Variants in DHRS7C observed in about 807,000 individuals in gnomAD.
The protein encoded by DHRS7C is dehydrogenase/reductase SDR family member 7C.
DHRS7C carries 28 observed loss-of-function variants against 29.6 expected under a neutral mutation model. That is an observed-to-expected ratio of 0.95 (90% CI 0.70 to 1.30). DHRS7C has a LOEUF of 1.30. Ranked by LOEUF, DHRS7C falls within the 50% of genes most tolerant of loss-of-function variation. The probability of loss-of-function intolerance (pLI) is 0.00; values close to 1 mark genes in which losing one functional copy is unlikely to be tolerated. For synonymous variants in DHRS7C, 158 were observed against 160.2 expected, an observed-to-expected ratio of 0.99 and a Z score of 0.10; for missense variants, 403 against 393.3, an observed-to-expected ratio of 1.02 and a Z score of -0.21.
At chr17:9,788,362 AC>A (rs1463408068) in intron 1 of DHRS7C, among the ~76,000 whole-genome samples, 2 of 151,280 alleles carry the variant, frequency 1.3e-5, no homozygotes, top group Non-Finnish European at 2.9e-5. Flanking sequence ...AAGAGCCCCC[AC>A]CCCCAGCTAA....
At chr17:9,776,803 C>T (rs931219553) in intron 4 of DHRS7C, among the ~76,000 whole-genome samples, 3 of 152,198 alleles carry the variant, frequency 2.0e-5, no homozygotes, top group Admixed American at 2.0e-4. Flanking sequence ...ACCCACCCTT[C>T]TCTTTCCCAA....
At chr17:9,772,620 C>T in intron 5 of DHRS7C, 147 bp downstream of exon 5, 1 of 1,091,796 alleles carries the variant, frequency 9.2e-7, no homozygotes, top group Non-Finnish European at 1.3e-6. Context: ...GGGGCCCCGC[C>T]CTGCTGTTGG....
In DHRS7C at chr17:9,780,053, G is replaced by A; in HGVS notation, c.268-18C>T. On this transcript the variant is annotated intron_variant, in intron 2 of 5. Transcript: ENST00000571134. Reference sequence around the variant, plus strand: ...GTGAATGTCTGCTGAACCAATGAGAGAGTCAGGGTATGTGTGAGATCTCCT... The same window carrying A: ...GTGAATGTCTGCTGAACCAATGAGAAAGTCAGGGTATGTGTGAGATCTCCT... 6.2e-7 allele frequency: 1 copy of A among 1,610,698 alleles called. No individual in the cohort carries two copies. The highest frequency in any genetic ancestry group is 8.5e-7 in the Non-Finnish European group (1 of 1,178,606).
intron 4 of DHRS7C, among the ~76,000 whole-genome samples, chr17:9,776,951 G>T (rs2066365475): frequency 1.3e-5 from 2 of 152,174 alleles, no homozygotes; most frequent in Admixed American, 1.3e-4. Flanking sequence ...CCCCATGGGA[G>T]ACTGTGAGCT....
intron 1 of DHRS7C, among the ~76,000 whole-genome samples, chr17:9,783,589 A>T (rs907515447): frequency 1.3e-5 from 2 of 152,226 alleles, no homozygotes; most frequent in African/African-American, 4.8e-5. Flanking sequence ...AGAAATATTG[A>T]TAATAAATAG....
In DHRS7C at chr17:9,791,316, A is replaced by T; in HGVS notation, c.-32T>A. ...CTGGGGGACAACGGAGTAAAAGGGG[A>T]TTGGCTTTGCAAAGAGACGCTGATC... On this transcript the variant is annotated 5_prime_UTR_variant, in exon 1 of 6. Coordinates refer to ENST00000571134, the MANE Select transcript of DHRS7C (RefSeq NM_001105571.3). 6.2e-7 allele frequency: 1 copy of T among 1,609,506 alleles called. No individual in the cohort carries two copies. The highest frequency in any genetic ancestry group is 8.5e-7 in the Non-Finnish European group (1 of 1,177,732).
In DHRS7C at chr17:9,781,503, G is replaced by A. The variant is rs540317772; in HGVS notation, c.246C>T (p.Ile82=). The A allele has an allele frequency of 1.9e-5, 30 of 1,614,006 alleles. No homozygotes were observed. The Admixed American group carries it at 5.0e-4, about 27-fold the overall frequency. ...TTACCTTGCTGGGGTCAGCCACGCTGATCAAGGCATCATATAGGTTCTCTA... is the reference window on the plus strand; with the variant it reads ...TTACCTTGCTGGGGTCAGCCACGCTAATCAAGGCATCATATAGGTTCTCTA... ...ERLENLYDAL[I]SVADPSKTFT... The change falls in exon 2 of 6, where the codon ATC becomes ATT. Residue 82 remains isoleucine, a synonymous_variant. Transcript: ENST00000571134.
At position 9,777,230 on chromosome 17, in the gene DHRS7C, A is replaced by G. The variant is rs1663880179; in HGVS notation, c.534T>C (p.Asn178=). 3 of 1,613,846 alleles carry G rather than the reference A, an allele frequency of 1.9e-6. No individual in the cohort carries two copies. In the East Asian group the frequency reaches 6.7e-5, roughly 36 times the overall value. Residue 178 remains asparagine, a synonymous_variant, in exon 4 of 6, where the codon AAT becomes AAC. Transcript: ENST00000571134. ...ACGGGATTCCAAACTTCCCTTGGAT[A>G]TTATTCACTAACACGATTTGGCCTG... ...RRTGQIVLVN[N]IQGKFGIPFR... is the part of the protein sequence containing the mutation.
In DHRS7C at chr17:9,781,491, G is replaced by T; in HGVS notation, c.258C>A (p.Asp86Glu). ...TGCTAGAAGACCTTACCTTGCTGGG[G>T]TCAGCCACGCTGATCAAGGCATCAT... ...NLYDALISVA[D>E]PSKTFTPKLV... Residue 86 changes from aspartate (D) to glutamate (E), a missense_variant, in exon 2 of 6, where the codon GAC becomes GAA. Physicochemically the swap from Asp to Glu is conservative, Grantham distance 45. Transcript: ENST00000571134. The T allele has an allele frequency of 6.2e-7, 1 of 1,613,914 alleles. No individual in the cohort carries two copies. Among genetic ancestry groups the T allele is most frequent in the Non-Finnish European group, 8.5e-7 (1 of 1,179,828 alleles).
chr17:9,781,812 G>A lies in DHRS7C; in HGVS notation c.155-218C>T, dbSNP rs184615764. ...TCCGTGAAAGTGAGCTCATAGTGGA[G>A]TGAGACAACTCCTCCTTTGTTAGAA... On this transcript the variant is annotated intron_variant, in intron 1 of 5. Coordinates refer to ENST00000571134, the MANE Select transcript of DHRS7C (RefSeq NM_001105571.3). Among the ~76,000 whole-genome samples the A allele has an allele frequency of 1.0e-3, 157 of 152,334 alleles. 2 individuals carry two copies. The highest frequency in any genetic ancestry group is 0.01 in the Admixed American group (156 of 15,310).
At position 9,771,682 on chromosome 17, in the gene DHRS7C, G is replaced by A. The variant is rs766419658; in HGVS notation, c.742C>T (p.Leu248=). The part of the protein sequence containing the change: ...ASIWKFFFRK[L]TYGVHPVEVA... ...TCTACTGGGTGCACGCCGTAGGTCA[G>A]CTTCCTGAAAAAGACTGAAAGGCCC... The change falls in exon 6 of 6, where the codon CTG becomes TTG. Residue 248 remains leucine (L), a synonymous_variant. Coordinates refer to ENST00000571134, the MANE Select transcript of DHRS7C (RefSeq NM_001105571.3). 6.7e-7 allele frequency: 1 copy of A among 1,503,196 alleles called. No individual in the cohort carries two copies. Among genetic ancestry groups the A allele is most frequent in the Non-Finnish European group, 8.9e-7 (1 of 1,120,330 alleles). The allele number at this position is 1,503,196 out of a possible 1,614,324, so 93.1% of individuals were successfully genotyped here.
chr17:9,778,037 G>A (rs532146225), intron 3 of DHRS7C, among the ~76,000 whole-genome samples: 1 of 152,184 alleles, frequency 6.6e-6, no homozygotes, highest in Admixed American at 6.5e-5. Context: ...AAAATGAAAA[G>A]ACAATACTCA....
intron 4 of DHRS7C, 65 bp from the exon 5 acceptor site, chr17:9,772,987 T>C (rs1326545256): frequency 4.4e-6 from 7 of 1,580,748 alleles, no homozygotes; most frequent in Non-Finnish European, 6.0e-6. Flanking sequence ...GGTGGGCGCA[T>C]TGGAGGCAGG....
chr17:9,777,511 A>T (rs2066369254), intron 3 of DHRS7C, among the ~76,000 whole-genome samples: 1 of 150,784 alleles, frequency 6.6e-6, no homozygotes, highest in African/African-American at 2.4e-5. Context: ...CTTTCCCACC[A>T]ATGTGCATTT....
At chr17:9,789,144 G>A (rs2066440565) in intron 1 of DHRS7C, among the ~76,000 whole-genome samples, 1 of 152,126 alleles carries the variant, frequency 6.6e-6, no homozygotes, top group Non-Finnish European at 1.5e-5. Context: ...AAACTAGCAA[G>A]GCTACGGAAG....
intron 1 of DHRS7C, among the ~76,000 whole-genome samples, chr17:9,785,441 A>AT (rs1211636750): frequency 6.6e-6 from 1 of 152,200 alleles, no homozygotes; most frequent in Non-Finnish European, 1.5e-5. Flanking sequence ...GGACCTCTTC[A>AT]TTGGGGGTGG....
chr17:9,773,817 C>T (rs2066346148), intron 4 of DHRS7C, among the ~76,000 whole-genome samples: 1 of 151,118 alleles, frequency 6.6e-6, no homozygotes, highest in Non-Finnish European at 1.5e-5. Context: ...CTCCACCTCC[C>T]AGTTTCAAGC....
intron 1 of DHRS7C, among the ~76,000 whole-genome samples, chr17:9,787,046 A>T: frequency 6.6e-6 from 1 of 151,992 alleles, no homozygotes. Context: ...CCCAGGTTCA[A>T]GTGATTCTCC....
chr17:9,785,906 G>A (rs897450298), intron 1 of DHRS7C, among the ~76,000 whole-genome samples: 6 of 152,120 alleles, frequency 3.9e-5, no homozygotes, highest in African/African-American at 1.4e-4. Context: ...GAGCAGAGAG[G>A]GGGAAGAAAG....
Sources: gnomAD v4.1 joint callset for allele counts (sites outside exome capture counted in the v4.1 genomes callset) on GRCh38, gnomAD v4.1.1 for gene constraint, MANE v1.5 for transcripts, NCBI Gene and HGNC (gene_info 2026-07-23, HGNC 2026-07-21) for gene names.